The following NEK6 variants were observed in gnomAD, a reference collection of about 807,000 sequenced individuals.
The protein encoded by NEK6 is serine/threonine-protein kinase Nek6.
Under a neutral mutation model 43.5 loss-of-function variants are expected in NEK6, and 27 were observed. The observed-to-expected ratio is 0.62, with a 90% CI of 0.46 to 0.86. NEK6 has a LOEUF of 0.86. Ranked by LOEUF, NEK6 falls within the 40% of genes least tolerant of loss-of-function variation. The pLI, the probability that NEK6 is intolerant of heterozygous loss-of-function variation, is 0.00. For missense variants in NEK6, 318 were observed against 414.4 expected, an observed-to-expected ratio of 0.77 and a Z score of 2.02; for synonymous variants, 167 against 164.1, an observed-to-expected ratio of 1.02 and a Z score of -0.14.
At chr9:124,323,389 C>T (rs947276726) in intron 5 of NEK6, among the ~76,000 whole-genome samples, 1 of 152,116 alleles carries the variant, frequency 6.6e-6, no homozygotes, top group Non-Finnish European at 1.5e-5. Context: ...AGGACCAGGC[C>T]CTAAGGTCAG....
In NEK6 at chr9:124,341,651, G is replaced by A. The variant is rs542651567; in HGVS notation, c.717+1986G>A. ...AGGGGCCTGCAGGTGAAAGGGGGAC[G>A]AGCCATTTGTCCTCCCTGCCTCCCT... On this transcript the variant is annotated intron_variant, in intron 8 of 9. Coordinates refer to ENST00000320246, the MANE Select transcript of NEK6 (RefSeq NM_014397.6). Among the ~76,000 whole-genome samples the A allele has an allele frequency of 5.3e-5, 8 of 152,260 alleles. No homozygotes were observed. In the East Asian group the frequency reaches 7.7e-4, roughly 15 times the overall value.
At chr9:124,309,017 C>T (rs1833405865) in intron 2 of NEK6, among the ~76,000 whole-genome samples, 1 of 152,212 alleles carries the variant, frequency 6.6e-6, no homozygotes, top group Non-Finnish European at 1.5e-5. Context: ...TTCCCTTCTG[C>T]TGAGAGCCCC....
intron 9 of NEK6, among the ~76,000 whole-genome samples, chr9:124,350,053 A>T (rs757664040): frequency 2.5e-4 from 38 of 152,098 alleles, no homozygotes; most frequent in Non-Finnish European, 4.7e-4. Flanking sequence ...TCCCTGAGTG[A>T]GTGTGGCCAC....
chr9:124,320,739 A>G, intron 4 of NEK6, among the ~76,000 whole-genome samples: 1 of 152,204 alleles, frequency 6.6e-6, no homozygotes. Context: ...GGACAGAGGC[A>G]GCGTCTCAGC....
chr9:124,268,099 G>A (rs975629190), intron 1 of NEK6, among the ~76,000 whole-genome samples: 5 of 152,184 alleles, frequency 3.3e-5, no homozygotes, highest in African/African-American at 4.8e-5. Flanking sequence ...GAAAATTTCA[G>A]GACATATGGT....
At position 124,351,007 on chromosome 9, in the gene NEK6, C is replaced by T; in HGVS notation, c.*60C>T. On this transcript the variant is annotated 3_prime_UTR_variant, in exon 10 of 10. Transcript: ENST00000320246. ...CACTTTGCCTTACTTGAGTCGTCTTCTCTTCGAGTGGCCACCTGGTAGCCT... is the reference window on the plus strand; with the variant it reads ...CACTTTGCCTTACTTGAGTCGTCTTTTCTTCGAGTGGCCACCTGGTAGCCT... The T allele has an allele frequency of 8.1e-7, 1 of 1,230,964 alleles. No homozygotes were observed. 76.3% of individuals were successfully genotyped at this position (1,230,964 alleles called of 1,614,324 possible).
chr9:124,289,044 A>G (rs1402900128), intron 1 of NEK6, among the ~76,000 whole-genome samples: 2 of 151,974 alleles, frequency 1.3e-5, no homozygotes, highest in African/African-American at 4.8e-5. Context: ...GCAGTGGCAC[A>G]ATACTAGCTC....
chr9:124,338,966 T>TC (rs1829434079), intron 7 of NEK6, among the ~76,000 whole-genome samples: 3 of 147,672 alleles, frequency 2.0e-5, no homozygotes, highest in African/African-American at 7.5e-5. Context: ...GGCATCCCCT[T>TC]CCCCTGGGCA....
At chr9:124,317,930 C>T (rs551259815) in intron 4 of NEK6, among the ~76,000 whole-genome samples, 8 of 152,314 alleles carry the variant, frequency 5.3e-5, no homozygotes, top group South Asian at 4.1e-4. Context: ...ACCATTTCTG[C>T]GCACCTAGAT....
intron 7 of NEK6, among the ~76,000 whole-genome samples, chr9:124,328,635 G>A (rs978999735): frequency 2.6e-5 from 4 of 152,256 alleles, no homozygotes; most frequent in African/African-American, 9.6e-5. Flanking sequence ...AGCGGGGTGT[G>A]AGAGACAGCA....
intron 1 of NEK6, among the ~76,000 whole-genome samples, chr9:124,287,077 C>T (rs943296363): frequency 6.6e-6 from 1 of 152,188 alleles, no homozygotes; most frequent in Non-Finnish European, 1.5e-5. Flanking sequence ...CAGCTGGCCA[C>T]ACCGGGAAGC....
chr9:124,299,827 G>T (rs1361274230), intron 1 of NEK6, among the ~76,000 whole-genome samples: 1 of 152,088 alleles, frequency 6.6e-6, no homozygotes, highest in Admixed American at 6.5e-5. Flanking sequence ...CCAAGTCTGT[G>T]GGTCAAAGTT....
intron 2 of NEK6, among the ~76,000 whole-genome samples, chr9:124,303,692 A>G (rs1021352375): frequency 6.6e-6 from 1 of 152,186 alleles, no homozygotes; most frequent in African/African-American, 2.4e-5. Context: ...CCTAGGTAGA[A>G]TTTGGGGAGG....
At chr9:124,303,865 A>T (rs1390977625) in intron 2 of NEK6, among the ~76,000 whole-genome samples, 1 of 152,252 alleles carries the variant, frequency 6.6e-6, no homozygotes, top group Non-Finnish European at 1.5e-5. Flanking sequence ...ATCTCCCAGA[A>T]TTAGCCAGTT....
chr9:124,285,210 G>GA (rs2119010477), intron 1 of NEK6, among the ~76,000 whole-genome samples: 1 of 152,336 alleles, frequency 6.6e-6, no homozygotes, highest in East Asian at 1.9e-4. Flanking sequence ...TCAAGCCTTT[G>GA]AGCCCTCCAT....
Position 124,327,319 on chromosome 9 carries a change from C to A in NEK6, c.515-19C>A. On this transcript the variant is annotated intron_variant, in intron 6 of 9. Transcript: ENST00000320246. ...CAAGCCTCCTACCCCACACCAATCT[C>A]CTTCTCCTCGCCCTGCAGACATCAA... 6.2e-7 allele frequency: 1 copy of A among 1,610,672 alleles called. No individual in the cohort carries two copies. Among genetic ancestry groups the A allele is most frequent in the Non-Finnish European group, 8.5e-7 (1 of 1,177,194 alleles).
At chr9:124,264,597 G>A (rs563865021) in intron 1 of NEK6, among the ~76,000 whole-genome samples, 2 of 152,270 alleles carry the variant, frequency 1.3e-5, no homozygotes, top group East Asian at 3.9e-4. Context: ...TTGAGGTCAG[G>A]AGTTTGAGAC....
chr9:124,304,147 C>T lies in NEK6; in HGVS notation c.90+2093C>T, dbSNP rs545636029. ...TGCAGAATGGGGGCGCAAGGCCACC[C>T]ATGTGCCGTGCCGGCTCCAGGTTGG... On this transcript the variant is annotated intron_variant, in intron 2 of 9. Transcript: ENST00000320246. 2.6e-5 allele frequency among the ~76,000 whole-genome samples: 4 copies of T among 152,384 alleles called. No homozygotes were observed. The East Asian group carries it at 5.8e-4, about 22-fold the overall frequency.
intron 7 of NEK6, among the ~76,000 whole-genome samples, chr9:124,330,309 C>T (rs976490682): frequency 7.9e-5 from 12 of 152,238 alleles, no homozygotes; most frequent in African/African-American, 2.7e-4. Context: ...TGACAGTACA[C>T]GCCGGCGTAA....
Sources: allele counts gnomAD v4.1 joint callset (sites outside exome capture counted in the v4.1 genomes callset), GRCh38; gene constraint gnomAD v4.1.1; transcripts MANE v1.5; gene names NCBI Gene and HGNC (gene_info 2026-07-23, HGNC 2026-07-21).